Variants in VPS9D1 observed in about 807,000 individuals in gnomAD.
The protein encoded by VPS9D1 is VPS9 domain containing 1.
A neutral mutation model predicts 75.8 loss-of-function variants in VPS9D1; 78 were observed. The ratio of observed to expected loss-of-function variants is 1.03; its 90% CI spans 0.86 to 1.24. The LOEUF (loss-of-function observed/expected upper bound fraction) is 1.24, where lower values mean the gene tolerates loss of function less well. Ranked by LOEUF, VPS9D1 falls within the 50% of genes most tolerant of loss-of-function variation. The pLI is 0.00. For synonymous variants in VPS9D1, 481 were observed against 385.6 expected (o/e 1.25, Z -2.90); for missense variants, 1,057 against 847.7 (o/e 1.25, Z -3.07).
At chr16:89,709,973 C>G (rs1444644984) in intron 10 of VPS9D1, 67 bp from the exon 11 acceptor site, 2 of 1,527,728 alleles carry the variant, frequency 1.3e-6, no homozygotes, top group Non-Finnish European at 1.8e-6. Context: ...GGCTCTAAGC[C>G]ACGGGGCCTT....
rs1057450067 is a variant in VPS9D1 at position 89,710,923 on chromosome 16, G to A, written c.921C>T (p.Ala307=). The change falls in exon 10 of 15, where the codon GCC becomes GCT. Residue 307 remains alanine (A), a synonymous_variant. Coordinates refer to ENST00000389386, the MANE Select transcript of VPS9D1 (RefSeq NM_004913.3). The part of the protein sequence containing the change: ...SALYPAVSRA[A]APAPGCCPPT... The stretch of plus-strand genomic sequence containing the variant: ...GGGGGCAGCAGCCTGGGGCTGGCGC[G>A]GCTGCTCTGCTCACGGCGGGATACA... 9 of 1,487,284 alleles carry A rather than the reference G, an allele frequency of 6.1e-6. No homozygotes were observed. Among genetic ancestry groups the A allele is most frequent in the Middle Eastern group, 2.2e-4 (1 of 4,604 alleles). 92.1% of individuals were successfully genotyped at this position (1,487,284 alleles called of 1,614,324 possible).
At chr16:89,709,194 C>G (rs1283049609) in intron 12 of VPS9D1, 33 bp downstream of exon 12, 1 of 1,608,256 alleles carries the variant, frequency 6.2e-7, no homozygotes, top group South Asian at 1.1e-5. Flanking sequence ...GGATGGGAGC[C>G]TGTCCCTCCC....
In VPS9D1 at chr16:89,708,882, GC is replaced by G; in HGVS notation, c.1671del (p.Pro559ArgfsTer22). The part of the protein sequence containing the change: ...CPTPEATPQA[G>X]PPPIAAAAIG... Reference sequence around the variant, plus strand: ...ATGGCAGCTGCAGCGATGGGCGGGGGCCCGGCCTGGGGTGTGGCCTCTGGGG... The same window carrying G: ...ATGGCAGCTGCAGCGATGGGCGGGGGCCGGCCTGGGGTGTGGCCTCTGGGG... On this transcript the variant is annotated frameshift_variant, in exon 13 of 15. Coordinates refer to ENST00000389386, the MANE Select transcript of VPS9D1 (RefSeq NM_004913.3). LOFTEE classifies it high-confidence loss of function. 1 of 1,587,490 alleles carries G rather than the reference GC, an allele frequency of 6.3e-7. No individual in the cohort carries two copies. Among genetic ancestry groups the G allele is most frequent in the Non-Finnish European group, 8.5e-7 (1 of 1,172,778 alleles).
At chr16:89,713,991 C>T (rs1427778627) in intron 4 of VPS9D1, among the ~76,000 whole-genome samples, 2 of 152,078 alleles carry the variant, frequency 1.3e-5, no homozygotes, top group African/African-American at 2.4e-5. Context: ...GGCTGGAGTG[C>T]AGTGACACAA....
chr16:89,713,795 T>G (rs1597918327), intron 4 of VPS9D1, among the ~76,000 whole-genome samples: 1 of 151,148 alleles, frequency 6.6e-6, no homozygotes, highest in Admixed American at 6.6e-5. Context: ...GATAATGAGG[T>G]CAGGAGATTG....
At chr16:89,710,244 G>A (rs1343411820) in intron 10 of VPS9D1, among the ~76,000 whole-genome samples, 1 of 152,210 alleles carries the variant, frequency 6.6e-6, no homozygotes, top group African/African-American at 2.4e-5. Context: ...TGTGTGGGCA[G>A]CACAGTGAGA....
chr16:89,709,817 A>G lies in VPS9D1; in HGVS notation c.1348T>C (p.Phe450Leu). 1 of 1,613,488 alleles carries G rather than the reference A, an allele frequency of 6.2e-7. No homozygotes were observed. Among genetic ancestry groups the G allele is most frequent in the Non-Finnish European group, 8.5e-7 (1 of 1,179,812 alleles). ...AGCAGAGGCCACAGCGGGGAGAAAA[A>G]GGGTTCCTCAATGCAGGCCAGGCAG... The part of the protein sequence containing the change: ...DRCLACIEEP[F>L]FSPLWPLLLA... The change falls in exon 11 of 15, where the codon TTT (phenylalanine) becomes CTT (leucine). Residue 450 changes from phenylalanine to leucine, a missense_variant. Physicochemically the swap from Phe to Leu is conservative, Grantham distance 22. Coordinates refer to ENST00000389386, the MANE Select transcript of VPS9D1 (RefSeq NM_004913.3).
In VPS9D1 at chr16:89,712,642, C is replaced by T. The variant is rs774054336; in HGVS notation, c.506G>A (p.Arg169Gln). 5 of 1,611,366 alleles carry T rather than the reference C, an allele frequency of 3.1e-6. No homozygotes were observed. In the South Asian group the frequency reaches 3.3e-5, roughly 11 times the overall value. Reference sequence around the variant, plus strand: ...CTGCATGGCCTGGCTGGGGTCTAGCCGCGCCATTCGGGCCTCATACGCAGC... The same window carrying T: ...CTGCATGGCCTGGCTGGGGTCTAGCTGCGCCATTCGGGCCTCATACGCAGC... The part of the protein sequence containing the change: ...LKAAYEARMA[R>Q]LDPSQAMQKT... The change falls in exon 5 of 15, where the codon CGG becomes CAG. Residue 169 changes from arginine (R) to glutamine (Q), a missense_variant. Physicochemically the swap from Arg to Gln is conservative, Grantham distance 43 (BLOSUM62 1). Transcript: ENST00000389386.
At chr16:89,715,200 A>G (rs1467964021) in intron 4 of VPS9D1, among the ~76,000 whole-genome samples, 2 of 150,086 alleles carry the variant, frequency 1.3e-5, no homozygotes, top group East Asian at 2.0e-4. Flanking sequence ...ATATAGATAT[A>G]TAACTCATCC....
At chr16:89,711,232 C>T in intron 9 of VPS9D1, 95 bp downstream of exon 9, 1 of 1,387,568 alleles carries the variant, frequency 7.2e-7, no homozygotes, top group Non-Finnish European at 9.9e-7. Flanking sequence ...CACAGGCTCC[C>T]TGTGTCAGTC....
chr16:89,716,908 G>A (rs1363854212), intron 2 of VPS9D1, 86 bp from the exon 3 acceptor site: 35 of 1,309,806 alleles, frequency 2.7e-5, no homozygotes, highest in Non-Finnish European at 3.6e-5. Context: ...GGAAAAGGCA[G>A]GCAAGCCCAC....
In VPS9D1 at chr16:89,711,130, G is replaced by A. The variant is rs912191418; in HGVS notation, c.834-120C>T. The A allele has an allele frequency of 8.0e-6, 10 of 1,251,270 alleles. No homozygotes were observed. The Admixed American group carries it at 1.2e-4, about 15-fold the overall frequency. The allele number at this position is 1,251,270 out of a possible 1,614,324, so 77.5% of individuals were successfully genotyped here. ...GCATTACCTCCTGACAGTGAATGTTGGAAAGTCTGCCCCCCGCCCCCGCTG... is the reference window on the plus strand; with the variant it reads ...GCATTACCTCCTGACAGTGAATGTTAGAAAGTCTGCCCCCCGCCCCCGCTG... On this transcript the variant is annotated intron_variant, in intron 9 of 14. Coordinates refer to ENST00000389386, the MANE Select transcript of VPS9D1 (RefSeq NM_004913.3).
In VPS9D1 at chr16:89,708,942, T is replaced by A; in HGVS notation, c.1612A>T (p.Ile538Phe). ...TAGTCTTCCGCACAGACACAGATGA[T>A]CCGCAGGGTCCGCACTGCGCCCCAG... ...KLECIVRTLR[I>F]ICVCAEDYCP... Residue 538 changes from isoleucine (I) to phenylalanine (F), a missense_variant, in exon 13 of 15, where the codon ATC becomes TTC. Physicochemically the swap from Ile to Phe is conservative, Grantham distance 21 (BLOSUM62 0). Coordinates refer to ENST00000389386, the MANE Select transcript of VPS9D1 (RefSeq NM_004913.3). 1 of 1,602,256 alleles carries A rather than the reference T, an allele frequency of 6.2e-7. No individual in the cohort carries two copies. The highest frequency in any genetic ancestry group is 2.3e-5 in the East Asian group (1 of 44,416).
At position 89,709,894 on chromosome 16, in the gene VPS9D1, G is replaced by A. The variant is rs367779124; in HGVS notation, c.1271C>T (p.Ser424Leu). 87 of 1,610,306 alleles carry A rather than the reference G, an allele frequency of 5.4e-5. 1 individual carries two copies. The highest frequency in any genetic ancestry group is 3.2e-4 in the Admixed American group (19 of 59,664). ...EIHNAVDRLL[S>L]LTLLAFEGLN... ...GCCTTCGAAGGCCAGAAGGGTCAGCGAGAGCAGCCTGTCTGCTAGGAACAG... is the reference window on the plus strand; with the variant it reads ...GCCTTCGAAGGCCAGAAGGGTCAGCAAGAGCAGCCTGTCTGCTAGGAACAG... Residue 424 changes from serine to leucine, a missense_variant, in exon 11 of 15, where the codon TCG becomes TTG. Transcript: ENST00000389386.
intron 5 of VPS9D1, 27 bp from the exon 6 acceptor site, chr16:89,712,549 G>C: frequency 1.2e-6 from 2 of 1,610,484 alleles, no homozygotes; most frequent in South Asian, 2.2e-5. Flanking sequence ...GAGTAAGGCC[G>C]ACTCCCCTCT....
Position 89,707,576 on chromosome 16 carries a change from T to C in VPS9D1, c.*285A>G. The C allele has an allele frequency of 2.7e-6, 1 of 368,810 alleles. No individual in the cohort carries two copies. Among genetic ancestry groups the C allele is most frequent in the South Asian group, 4.0e-5 (1 of 24,744 alleles). 22.8% of individuals were successfully genotyped at this position (368,810 alleles called of 1,614,324 possible). ...CCACCGAAGCCCAAAGCTTCCCTTC[T>C]TGGCCTCTCTGAGGCCTACACAGGA... On this transcript the variant is annotated 3_prime_UTR_variant, in exon 15 of 15. Transcript: ENST00000389386.
Position 89,707,938 on chromosome 16 carries a change from C to T in VPS9D1, c.1819G>A (p.Glu607Lys). 1 of 1,613,008 alleles carries T rather than the reference C, an allele frequency of 6.2e-7. No homozygotes were observed. Among genetic ancestry groups the T allele is most frequent in the Non-Finnish European group, 8.5e-7 (1 of 1,179,942 alleles). Residue 607 changes from glutamate (E) to lysine (K), a missense_variant, in exon 15 of 15, where the codon GAG becomes AAG. By Grantham distance (56) the Glu-to-Lys change is moderately conservative. Coordinates refer to ENST00000389386, the MANE Select transcript of VPS9D1 (RefSeq NM_004913.3). Reference sequence around the variant, plus strand: ...TGCAGTGATGTGAGGCAGTAGCCCTCCTCTCCGATCAGGTACCTGCATGGA... The same window carrying T: ...TGCAGTGATGTGAGGCAGTAGCCCTTCTCTCCGATCAGGTACCTGCATGGA... ...FIHEGYLIGEEGYCLTSLQSA... is the reference protein window; with the variant it reads ...FIHEGYLIGEKGYCLTSLQSA...
intron 1 of VPS9D1, 167 bp from the exon 2 acceptor site, chr16:89,719,269 G>C (rs527557136): frequency 2.9e-6 from 2 of 692,970 alleles, no homozygotes; most frequent in Non-Finnish European, 5.2e-6. Flanking sequence ...GCCGGAACAC[G>C]GTTTTCTGCG....
At chr16:89,711,218 C>T (rs1227272245) in intron 9 of VPS9D1, 109 bp downstream of exon 9, 11 of 1,309,034 alleles carry the variant, frequency 8.4e-6, no homozygotes, top group Non-Finnish European at 2.1e-6. Context: ...TCCACGTGGC[C>T]GGGCACAGGC....
Sources: gnomAD v4.1 joint callset for allele counts (sites outside exome capture counted in the v4.1 genomes callset) on GRCh38, gnomAD v4.1.1 for gene constraint, MANE v1.5 for transcripts, NCBI Gene and HGNC (gene_info 2026-07-23, HGNC 2026-07-21) for gene names.